The following NR3C1 variants were observed in gnomAD, a reference collection of about 807,000 sequenced individuals.
NR3C1 encodes the protein glucocorticoid receptor.
A neutral mutation model predicts 74.0 loss-of-function variants in NR3C1; 14 were observed. That is an observed-to-expected ratio of 0.19 (90% CI 0.12 to 0.30). NR3C1 has a LOEUF of 0.30. NR3C1 is among the 10% of genes least tolerant of loss of function. The probability of loss-of-function intolerance (pLI) is 1.00; values close to 1 mark genes in which losing one functional copy is unlikely to be tolerated. For synonymous variants in NR3C1, 308 were observed against 332.5 expected (o/e 0.93, Z 0.80); for missense variants, 695 against 909.8 (o/e 0.76, Z 3.04).
In NR3C1 at chr5:143,403,490, G is replaced by A. The variant is rs1339156495; in HGVS notation, c.-293C>T. On this transcript the variant is annotated 5_prime_UTR_variant, in exon 1 of 9. Coordinates refer to ENST00000394464, the MANE Select transcript of NR3C1 (RefSeq NM_000176.3). The stretch of plus-strand genomic sequence containing the variant: ...GCCCCGTCCCGGTCCCAGCTGCTTC[G>A]GCCGCTCCGGCTGCGGCGTCTCCTT... The A allele has an allele frequency of 2.0e-6, 2 of 985,158 alleles. No individual in the cohort carries two copies. Among genetic ancestry groups the A allele is most frequent in the Non-Finnish European group, 1.2e-6 (1 of 829,924 alleles). The allele number at this position is 985,158 out of a possible 1,614,324, so 61.0% of individuals were successfully genotyped here. A position where few individuals can be genotyped will look rare whatever the true frequency, so the allele number is the denominator to read the frequency against.
chr5:143,282,777 CT>C (rs371512572), intron 7 of NR3C1, 52 bp from the exon 8 acceptor site: 224,760 of 1,212,410 alleles, frequency 0.19, 2 homozygotes, highest in South Asian at 0.21. Context: ...CTTTTCTTTT[CT>C]TTTTTTTTTT....
At chr5:143,433,498 A>C (rs1751973317) in intron 1 of NR3C1, among the ~76,000 whole-genome samples, 1 of 56,792 alleles carries the variant, frequency 1.8e-5, no homozygotes, top group African/African-American at 4.9e-5. Context: ...TGGGCAAATA[A>C]AGGCAGAATG....
intron 7 of NR3C1, 151 bp downstream of exon 7, chr5:143,295,309 C>G (rs1347221109): frequency 7.3e-7 from 1 of 1,378,038 alleles, no homozygotes; most frequent in Non-Finnish European, 9.4e-7. Context: ...CTGTGCCTTT[C>G]TAATATTTTA....
chr5:143,296,084 T>C (rs1054455499), intron 6 of NR3C1, among the ~76,000 whole-genome samples: 2 of 152,200 alleles, frequency 1.3e-5, no homozygotes, highest in Non-Finnish European at 2.9e-5. Flanking sequence ...CTTCTGATGC[T>C]CAAAATCTGC....
At chr5:143,295,304 C>T (rs922236689) in intron 7 of NR3C1, 156 bp downstream of exon 7, 8 of 1,368,408 alleles carry the variant, frequency 5.8e-6, no homozygotes, top group Non-Finnish European at 7.6e-6. Context: ...ACTTACTGTG[C>T]CTTTCTAATA....
Position 143,290,983 on chromosome 5 carries a change from A to C in NR3C1, c.2023+4477T>G, listed in dbSNP as rs10053963. ...TATGCATTTTTTTCTCCCTCCTCTC[A>C]TGTCTTTCATTCTTTTGGATTGTTT... On this transcript the variant is annotated intron_variant, in intron 7 of 8. Transcript: ENST00000394464. 4.4e-3 allele frequency among the ~76,000 whole-genome samples: 663 copies of C among 150,574 alleles called. 2 individuals carry two copies. Among genetic ancestry groups the C allele is most frequent in the African/African-American group, 0.015 (633 of 40,952 alleles).
At chr5:143,362,861 C>T (rs1832534417) in intron 2 of NR3C1, among the ~76,000 whole-genome samples, 1 of 152,126 alleles carries the variant, frequency 6.6e-6, no homozygotes, top group Non-Finnish European at 1.5e-5. Flanking sequence ...GAAAACAACA[C>T]ACTAGTCTAA....
chr5:143,424,101 T>C (rs1034697520), intron 1 of NR3C1, among the ~76,000 whole-genome samples: 4 of 150,862 alleles, frequency 2.7e-5, no homozygotes, highest in East Asian at 2.0e-4. Flanking sequence ...TTGGGAGATA[T>C]ACCTAATGCT....
intron 2 of NR3C1, among the ~76,000 whole-genome samples, chr5:143,358,154 G>A (rs1258016260): frequency 6.6e-6 from 1 of 152,154 alleles, no homozygotes; most frequent in African/African-American, 2.4e-5. Flanking sequence ...CTTGCCAGCA[G>A]CACTTCCCGT....
chr5:143,405,193 T>G (rs2151952275), upstream of NR3C1: 1 of 985,632 alleles, frequency 1.0e-6, no homozygotes, highest in Non-Finnish European at 1.2e-6. Context: ...TGGGAAAGGT[T>G]GTGCTGTGTG....
intron 2 of NR3C1, among the ~76,000 whole-genome samples, chr5:143,379,534 C>CA (rs1471318199): frequency 2.0e-5 from 3 of 151,828 alleles, no homozygotes; most frequent in Non-Finnish European, 4.4e-5. Context: ...TGACAAATCG[C>CA]AAAAAAATAA....
At chr5:143,282,777 C>CTTTTTTTTTTTTTTT in intron 7 of NR3C1, 52 bp from the exon 8 acceptor site, 2 of 1,325,970 alleles carry the variant, frequency 1.5e-6, no homozygotes, top group East Asian at 5.4e-5. Flanking sequence ...CTTTTCTTTT[C>CTTTTTTTTTTTTTTT]TTTTTTTTTT....
Position 143,400,569 on chromosome 5 carries a change from C to T in NR3C1, c.271G>A (p.Gly91Arg), listed in dbSNP as rs1840080421. 1.2e-6 allele frequency: 2 copies of T among 1,614,230 alleles called. No homozygotes were observed. The highest frequency in any genetic ancestry group is 2.2e-5 in the East Asian group (1 of 44,896). The stretch of plus-strand genomic sequence containing the variant: ...CCCATCACTTTTGTTTCTGTCTCTC[C>T]CATATACAGTCCCATTGAGAGTGAA... ...AVSLSMGLYM[G>R]ETETKVMGND... Residue 91 changes from glycine to arginine, a missense_variant, in exon 2 of 9, where the codon GGA (glycine) becomes AGA (arginine). By Grantham distance (125) the Gly-to-Arg change is moderately radical (BLOSUM62 -2). This residue lies in a region of NR3C1 where 497 missense variants were observed against 489.5 expected (regional missense o/e 1.02). Coordinates refer to ENST00000394464, the MANE Select transcript of NR3C1 (RefSeq NM_000176.3).
chr5:143,406,492 T>G (rs1242551751), upstream of NR3C1, among the ~76,000 whole-genome samples: 2 of 152,080 alleles, frequency 1.3e-5, no homozygotes, highest in Admixed American at 1.3e-4. Flanking sequence ...AGCAAAAAAA[T>G]TCTCATTCTT....
intron 2 of NR3C1, among the ~76,000 whole-genome samples, chr5:143,390,509 T>C (rs1052367004): frequency 6.6e-6 from 1 of 152,132 alleles, no homozygotes; most frequent in African/African-American, 2.4e-5. Flanking sequence ...CCTACCTTAC[T>C]TAAACATAAA....
chr5:143,367,506 C>T (rs1256344390), intron 2 of NR3C1, among the ~76,000 whole-genome samples: 5 of 152,126 alleles, frequency 3.3e-5, no homozygotes, highest in Admixed American at 3.3e-4. Context: ...ATATAGAAAT[C>T]CTAAATCTAT....
chr5:143,312,165 A>T (rs550243914), intron 3 of NR3C1, among the ~76,000 whole-genome samples: 1 of 152,250 alleles, frequency 6.6e-6, no homozygotes, highest in South Asian at 2.1e-4. Flanking sequence ...TTTTCTATTT[A>T]TGGTGGGTGT....
chr5:143,426,158 T>C (rs1281306361), intron 1 of NR3C1, among the ~76,000 whole-genome samples: 1 of 152,194 alleles, frequency 6.6e-6, no homozygotes, highest in Non-Finnish European at 1.5e-5. Context: ...TTATATGCAA[T>C]GTTCATGGTA....
rs549042945 is a variant in NR3C1, at chr5:143,298,913, A to C, written c.1748-101T>G. 5.9e-6 allele frequency: 7 copies of C among 1,190,380 alleles called. No individual in the cohort carries two copies. The African/African-American group carries it at 1.1e-4, about 18-fold the overall frequency. The allele number at this position is 1,190,380 out of a possible 1,614,324, so 73.7% of individuals were successfully genotyped here. A position where few individuals can be genotyped will look rare whatever the true frequency, so the allele number is the denominator to read the frequency against. On this transcript the variant is annotated intron_variant, in intron 5 of 8. Coordinates refer to ENST00000394464, the MANE Select transcript of NR3C1 (RefSeq NM_000176.3). ...GAGATCAATTAGCCCTGTCAAAACAAGGGCACCCCTAACAGAAAATGGAAA... is the reference window on the plus strand; with the variant it reads ...GAGATCAATTAGCCCTGTCAAAACACGGGCACCCCTAACAGAAAATGGAAA...
Sources: gnomAD v4.1 joint callset for allele counts (sites outside exome capture counted in the v4.1 genomes callset) on GRCh38, gnomAD v4.1.1 for gene constraint, gnomAD v4.1.1 regional missense constraint, MANE v1.5 for transcripts, NCBI Gene and HGNC (gene_info 2026-07-23, HGNC 2026-07-21) for gene names.